The following DNM3 variants were observed in gnomAD, a reference collection of about 807,000 sequenced individuals.
The protein encoded by DNM3 is dynamin 3.
In DNM3, 47 loss-of-function variants were observed where a neutral mutation model predicts 101.6. The observed-to-expected ratio is 0.46, with a 90% CI of 0.37 to 0.59. DNM3 has a LOEUF of 0.59. Ranked by LOEUF, DNM3 falls within the 20% of genes least tolerant of loss-of-function variation. The pLI is 0.00. For missense variants in DNM3, 849 were observed against 1,085.7 expected (o/e 0.78, Z 3.06); for synonymous variants, 385 against 387.9 (o/e 0.99, Z 0.09).
At chr1:172,319,749 T>C (rs2065599842) in intron 16 of DNM3, among the ~76,000 whole-genome samples, 1 of 152,208 alleles carries the variant, frequency 6.6e-6, no homozygotes, top group Non-Finnish European at 1.5e-5. Context: ...CTGGAGAGCA[T>C]GTGGAGAAAT....
At chr1:171,879,524 T>C (rs1322846305) in intron 1 of DNM3, among the ~76,000 whole-genome samples, 2 of 152,226 alleles carry the variant, frequency 1.3e-5, no homozygotes, top group Non-Finnish European at 2.9e-5. Flanking sequence ...GAAATAATTC[T>C]AACTATTTAA....
intron 14 of DNM3, among the ~76,000 whole-genome samples, chr1:172,206,375 C>T (rs1024161479): frequency 6.6e-6 from 1 of 152,066 alleles, no homozygotes; most frequent in African/African-American, 2.4e-5. Flanking sequence ...TTCCTTGAAA[C>T]AAGCATTGAA....
chr1:172,263,264 T>G (rs530281321), intron 15 of DNM3, among the ~76,000 whole-genome samples: 43 of 152,290 alleles, frequency 2.8e-4, no homozygotes, highest in African/African-American at 1.0e-3. Flanking sequence ...TAGCAATAAT[T>G]TATTCTCTCA....
At chr1:172,280,276 C>T (rs953075728) in intron 15 of DNM3, among the ~76,000 whole-genome samples, 12 of 152,134 alleles carry the variant, frequency 7.9e-5, no homozygotes, top group Non-Finnish European at 1.6e-4. Flanking sequence ...TTATCCTGCT[C>T]TATTTTGTTC....
chr1:172,318,853 C>A (rs1386796349), intron 16 of DNM3, among the ~76,000 whole-genome samples: 2 of 152,158 alleles, frequency 1.3e-5, no homozygotes, highest in Non-Finnish European at 2.9e-5. Flanking sequence ...CATCAAGCTA[C>A]CAATGACTTT....
At chr1:172,332,572 G>T (rs751012253) in intron 17 of DNM3, among the ~76,000 whole-genome samples, 1 of 152,146 alleles carries the variant, frequency 6.6e-6, no homozygotes, top group Non-Finnish European at 1.5e-5. Context: ...GCCTCCCAAA[G>T]TGCTAGGATT....
intron 1 of DNM3, among the ~76,000 whole-genome samples, chr1:171,853,943 A>T (rs2033280253): frequency 6.6e-6 from 1 of 152,080 alleles, no homozygotes; most frequent in Non-Finnish European, 1.5e-5. Flanking sequence ...TATTCACCTC[A>T]TTTTTTTCAT....
At chr1:172,008,911 TATTAAATATTATATTA>T (rs1222785871) in intron 4 of DNM3, among the ~76,000 whole-genome samples, 1 of 138,740 alleles carries the variant, frequency 7.2e-6, no homozygotes, top group African/African-American at 2.6e-5. Flanking sequence ...AAATATATCA[TATTAAATATTATATTA>T]ATTAAATATT....
rs903925852 is a variant in DNM3, at chr1:172,249,671, T to TA, written c.1660-3895dup. Among the ~76,000 whole-genome samples, 12 of 152,208 alleles carry TA rather than the reference T, an allele frequency of 7.9e-5. No homozygotes were observed. The South Asian group carries it at 1.2e-3, about 16-fold the overall frequency. On this transcript the variant is annotated intron_variant, in intron 14 of 20. Coordinates refer to ENST00000627582, the MANE Select transcript of DNM3 (RefSeq NM_015569.5). ...CAGAAGTTCTTTTATGAATCTCTAT[T>TA]AAAAAAATCTTTCTCTAGAAGTTTA...
At chr1:172,232,181 G>A (rs891106877) in intron 14 of DNM3, among the ~76,000 whole-genome samples, 11 of 152,088 alleles carry the variant, frequency 7.2e-5, no homozygotes, top group Admixed American at 2.0e-4. Flanking sequence ...TCAAAATAAA[G>A]GGATGGAGGA....
chr1:172,026,442 A>G (rs1421756935), intron 4 of DNM3, among the ~76,000 whole-genome samples: 2 of 152,194 alleles, frequency 1.3e-5, no homozygotes, highest in South Asian at 2.1e-4. Context: ...AGTCAAATTC[A>G]GGAAATATAG....
At chr1:171,987,517 T>A in intron 2 of DNM3, 139 bp from the exon 3 acceptor site, 1 of 928,230 alleles carries the variant, frequency 1.1e-6, no homozygotes, top group South Asian at 2.4e-5. Flanking sequence ...TGATTCTTAG[T>A]AACTACTGTG....
At chr1:172,227,351 TTCTATATC>T (rs2061172394) in intron 14 of DNM3, among the ~76,000 whole-genome samples, 1 of 145,222 alleles carries the variant, frequency 6.9e-6, no homozygotes, top group Non-Finnish European at 1.5e-5. Context: ...CTTAGGCTGG[TTCTATATC>T]TTTGCGGTTG....
intron 14 of DNM3, among the ~76,000 whole-genome samples, chr1:172,218,990 A>G (rs574364094): frequency 6.6e-6 from 1 of 152,264 alleles, no homozygotes; most frequent in South Asian, 2.1e-4. Flanking sequence ...TAAAAATTAA[A>G]TTAATTATTT....
intron 13 of DNM3, among the ~76,000 whole-genome samples, chr1:172,103,695 G>A (rs2054812368): frequency 6.6e-6 from 1 of 152,030 alleles, no homozygotes; most frequent in Non-Finnish European, 1.5e-5. Context: ...GTTGTGATTT[G>A]CATTTTACTT....
rs772030750 is a variant in DNM3, at chr1:171,921,763, A to AGG, written c.179_180dup (p.Ser61GlyfsTer5). The AGG allele has an allele frequency of 6.3e-7, 1 of 1,595,838 alleles. No individual in the cohort carries two copies. Among genetic ancestry groups the AGG allele is most frequent in the African/African-American group, 1.3e-5 (1 of 74,846 alleles). On this transcript the variant is annotated frameshift_variant, in exon 2 of 21. Transcript: ENST00000627582. LOFTEE classifies it high-confidence loss of function. The stretch of plus-strand genomic sequence containing the variant: ...CTTTTTTTAGGGACTTTCTCCCTCG[A>AGG]GGGTCGGGCATTGTAACAAGACGAC...
At chr1:171,865,578 G>A (rs2034662153) in intron 1 of DNM3, among the ~76,000 whole-genome samples, 1 of 143,592 alleles carries the variant, frequency 7.0e-6, no homozygotes, top group Non-Finnish European at 1.5e-5. Context: ...ACCAAGGTAA[G>A]ATAAAACCAA....
At position 172,062,739 on chromosome 1, in the gene DNM3, T is replaced by A. The variant is rs189461377; in HGVS notation, c.1336-6080T>A. Among the ~76,000 whole-genome samples the A allele has an allele frequency of 2.6e-5, 4 of 152,320 alleles. No homozygotes were observed. The East Asian group carries it at 7.7e-4, about 29-fold the overall frequency. On this transcript the variant is annotated intron_variant, in intron 10 of 20. Transcript: ENST00000627582. The stretch of plus-strand genomic sequence containing the variant: ...AACACCCCATAAGGAACTTTCCCAT[T>A]AACCCCTGTACAACTTAGAAAACAG...
chr1:171,856,061 G>T (rs1042886148), intron 1 of DNM3, among the ~76,000 whole-genome samples: 2 of 152,124 alleles, frequency 1.3e-5, no homozygotes, highest in Non-Finnish European at 2.9e-5. Flanking sequence ...TAAGGAAGGG[G>T]TCCAGCTTCA....
Sources: gnomAD v4.1 joint callset for allele counts (sites outside exome capture counted in the v4.1 genomes callset) on GRCh38, gnomAD v4.1.1 for gene constraint, MANE v1.5 for transcripts, NCBI Gene and HGNC (gene_info 2026-07-23, HGNC 2026-07-21) for gene names.